Variants in SOD2 observed in about 807,000 individuals in gnomAD.
SOD2 encodes the protein superoxide dismutase [Mn], mitochondrial.
SOD2 carries 11 observed loss-of-function variants against 27.0 expected under a neutral mutation model. That is an observed-to-expected ratio of 0.41 (90% confidence interval 0.26 to 0.67). SOD2 has a LOEUF of 0.67. Among genes scored for constraint, SOD2 ranks in the 30% least tolerant of loss-of-function variants. The pLI, the probability that SOD2 is intolerant of heterozygous loss-of-function variation, is 0.34. For missense variants in SOD2, 250 were observed against 274.5 expected, an observed-to-expected ratio of 0.91 and a Z score of 0.63; for synonymous variants, 105 against 103.0, an observed-to-expected ratio of 1.02 and a Z score of -0.12.
At chr6:159,755,433 G>T in intron 1 of SOD2, 1 of 1,614,196 alleles carries the variant, frequency 6.2e-7, no homozygotes, top group South Asian at 1.1e-5. Context: ...GGGTATGAAA[G>T]TGTAGACTCT....
chr6:159,687,331 A>G (rs575312239), intron 3 of SOD2, among the ~76,000 whole-genome samples: 7 of 152,222 alleles, frequency 4.6e-5, no homozygotes, highest in African/African-American at 1.4e-4. Flanking sequence ...CCAAAAATAT[A>G]AAAATTAGCC....
upstream of SOD2, among the ~76,000 whole-genome samples, chr6:159,730,148 T>C (rs2114866719): frequency 6.6e-6 from 1 of 152,354 alleles, no homozygotes; most frequent in Middle Eastern, 3.4e-3. Flanking sequence ...AATTAATAGC[T>C]GTTTTAATCA....
intron 1 of SOD2, among the ~76,000 whole-genome samples, chr6:159,702,725 C>T (rs1215856580): frequency 1.3e-5 from 2 of 148,980 alleles, no homozygotes; most frequent in Non-Finnish European, 3.0e-5. Flanking sequence ...GTGGTGTGCG[C>T]CTGTAGTCCC....
At chr6:159,732,862 C>T (rs1432636202) in intron 1 of SOD2, among the ~76,000 whole-genome samples, 1 of 144,864 alleles carries the variant, frequency 6.9e-6, no homozygotes, top group Non-Finnish European at 1.5e-5. Context: ...CTCTCTCTCT[C>T]TCTCTCTCTC....
intron 1 of SOD2, chr6:159,712,989 G>A (rs1277785921): frequency 4.8e-5 from 30 of 628,442 alleles, no homozygotes; most frequent in South Asian, 3.5e-4. Flanking sequence ...GCATCTTCGT[G>A]AGCAGCAAAC....
chr6:159,706,787 C>T (rs1204940320), intron 1 of SOD2, among the ~76,000 whole-genome samples: 2 of 152,200 alleles, frequency 1.3e-5, no homozygotes, highest in Admixed American at 1.3e-4. Flanking sequence ...ACCTACAGAA[C>T]TCTCCACCCC....
At chr6:159,723,820 G>A (rs1360398649) in intron 1 of SOD2, among the ~76,000 whole-genome samples, 1 of 152,136 alleles carries the variant, frequency 6.6e-6, no homozygotes, top group Non-Finnish European at 1.5e-5. Flanking sequence ...GTGCACTGGT[G>A]AGATCACAGC....
chr6:159,699,446 C>T (rs1269758813), intron 1 of SOD2, among the ~76,000 whole-genome samples: 1 of 152,054 alleles, frequency 6.6e-6, no homozygotes, highest in Non-Finnish European at 1.5e-5. Context: ...AAGGGTTGTC[C>T]CATATTGAGA....
At chr6:159,756,411 A>G (rs1277088080) in intron 1 of SOD2, 2 of 152,426 alleles carry the variant, frequency 1.3e-5, no homozygotes, top group Non-Finnish European at 2.9e-5. Flanking sequence ...CAAGTACCAC[A>G]ACAGTCAAAC....
At chr6:159,691,549 G>A (rs1777191848) in intron 2 of SOD2, 2 of 152,132 alleles carry the variant, frequency 1.3e-5, no homozygotes, top group Admixed American at 1.3e-4. Context: ...AAGCAATACA[G>A]AGAGTCTAAA....
At chr6:159,697,470 G>C (rs185050858), upstream of SOD2, among the ~76,000 whole-genome samples, 1 of 152,272 alleles carries the variant, frequency 6.6e-6, no homozygotes, top group African/African-American at 2.4e-5. Flanking sequence ...AGGTTTCAAT[G>C]TGAGCTTAAT....
chr6:159,692,947 G>C (rs1777301873), intron 1 of SOD2, 84 bp from the exon 2 acceptor site: 1 of 1,383,394 alleles, frequency 7.2e-7, no homozygotes, highest in South Asian at 1.5e-5. Flanking sequence ...GGCAGCGCGC[G>C]GCGTCCCCCG....
Position 159,693,224 on chromosome 6 carries a change from G to A in SOD2, c.-57C>T. The A allele has an allele frequency of 6.8e-7, 1 of 1,469,798 alleles. No individual in the cohort carries two copies. Among genetic ancestry groups the A allele is most frequent in the South Asian group, 1.3e-5 (1 of 79,552 alleles). 91.0% of individuals were successfully genotyped at this position (1,469,798 alleles called of 1,614,324 possible). A position where few individuals can be genotyped will look rare whatever the true frequency, so the allele number is the denominator to read the frequency against. ...CCGATCTGCTGAAGCCGCTGCCGAA[G>A]CCACCACAGCCACGAGTGCCGCTCC... On this transcript the variant is annotated 5_prime_UTR_variant, in exon 1 of 5. Transcript: ENST00000538183.
At chr6:159,711,612 C>G (rs1583037848) in intron 1 of SOD2, among the ~76,000 whole-genome samples, 1 of 131,122 alleles carries the variant, frequency 7.6e-6, no homozygotes, top group East Asian at 2.6e-4. Context: ...CCTCCATAAC[C>G]ACCACTCAGC....
chr6:159,716,915 G>A (rs1248472143), intron 1 of SOD2, among the ~76,000 whole-genome samples: 2 of 152,186 alleles, frequency 1.3e-5, no homozygotes, highest in African/African-American at 2.4e-5. Flanking sequence ...TTCCTAGATT[G>A]TGCAAGAGGA....
rs200509804 is a variant in SOD2 at position 159,733,917 on chromosome 6, C to CA, written c.-116+11212dup. On this transcript the variant is annotated intron_variant, in intron 1 of 3. Transcript: ENST00000537657. ...GGCAACAAGAGCGAAACTCCATCTCCAAAAAAAAAGATTAAACAGAGAAAG... is the reference window on the plus strand; with the variant it reads ...GGCAACAAGAGCGAAACTCCATCTCCAAAAAAAAAAGATTAAACAGAGAAAG... 2.3e-4 allele frequency among the ~76,000 whole-genome samples: 34 copies of CA among 150,134 alleles called. No individual in the cohort carries two copies. In the South Asian group the frequency reaches 3.2e-3, roughly 14 times the overall value.
At position 159,681,072 on chromosome 6, in the gene SOD2, A is replaced by T. The variant is rs994956221; in HGVS notation, c.*1421T>A. 6.6e-6 allele frequency: 1 copy of T among 152,234 alleles called. No homozygotes were observed. 9.4% of individuals were successfully genotyped at this position (152,234 alleles called of 1,614,324 possible). On this transcript the variant is annotated 3_prime_UTR_variant, in exon 5 of 5. Transcript: ENST00000538183. ...ACAAATGAAATATTCAAAAACAGTA[A>T]ATTAGGCAGATGATGAAACAACATG...
At chr6:159,755,472 A>G (rs1212467246) in intron 1 of SOD2, 3 of 1,614,038 alleles carry the variant, frequency 1.9e-6, no homozygotes, top group Admixed American at 3.3e-5. Flanking sequence ...TCTCTCACAC[A>G]CCAATCAAAT....
intron 1 of SOD2, among the ~76,000 whole-genome samples, chr6:159,750,700 A>C (rs1779786696): frequency 6.6e-6 from 1 of 152,220 alleles, no homozygotes; most frequent in African/African-American, 2.4e-5. Flanking sequence ...ATGCTTACAT[A>C]GTATATTTCC....
Sources: allele counts gnomAD v4.1 joint callset (sites outside exome capture counted in the v4.1 genomes callset), GRCh38; gene constraint gnomAD v4.1.1; transcripts MANE v1.5; gene names NCBI Gene and HGNC (gene_info 2026-07-23, HGNC 2026-07-21).